Variants in AIG1 observed in about 807,000 individuals in gnomAD.
AIG1 encodes androgen induced 1, also known as androgen-induced gene 1 protein.
AIG1 carries 23 observed loss-of-function variants against 31.4 expected under a neutral mutation model. That is an observed-to-expected ratio of 0.73 (90% CI 0.53 to 1.04). AIG1 has a LOEUF of 1.04. Among genes scored for constraint, AIG1 ranks in the 50% least tolerant of loss-of-function variants. AIG1 has a pLI of 0.00. For missense variants in AIG1, 274 were observed against 295.0 expected (o/e 0.93, Z 0.52); for synonymous variants, 100 against 110.5 (o/e 0.90, Z 0.60).
intron 2 of AIG1, among the ~76,000 whole-genome samples, chr6:143,150,031 C>T (rs1785065419): frequency 6.6e-6 from 1 of 152,210 alleles, no homozygotes; most frequent in South Asian, 2.1e-4. Flanking sequence ...ATCCTAAAAA[C>T]TGAATGACAC....
chr6:143,179,227 C>G (rs531632240), intron 3 of AIG1, among the ~76,000 whole-genome samples: 11 of 152,210 alleles, frequency 7.2e-5, no homozygotes, highest in Non-Finnish European at 1.0e-4. Context: ...TTGTAACCTG[C>G]TGGTGGGGGA....
intron 2 of AIG1, among the ~76,000 whole-genome samples, chr6:143,143,884 A>G (rs537348291): frequency 2.0e-5 from 3 of 152,316 alleles, no homozygotes; most frequent in South Asian, 4.1e-4. Flanking sequence ...TCCCAATACC[A>G]GGAGAAAGAC....
chr6:143,085,642 G>A (rs764596208), intron 1 of AIG1, among the ~76,000 whole-genome samples: 1 of 152,186 alleles, frequency 6.6e-6, no homozygotes, highest in African/African-American at 2.4e-5. Flanking sequence ...TTTTGAGTCA[G>A]GATTGAGATA....
chr6:143,168,938 C>G (rs548908712), intron 3 of AIG1, among the ~76,000 whole-genome samples: 1 of 151,970 alleles, frequency 6.6e-6, no homozygotes, highest in African/African-American at 2.4e-5. Context: ...TTTTGTGAAA[C>G]TTTCCATTAT....
At chr6:143,215,457 A>G (rs1791957746) in intron 3 of AIG1, among the ~76,000 whole-genome samples, 1 of 152,190 alleles carries the variant, frequency 6.6e-6, no homozygotes, top group African/African-American at 2.4e-5. Flanking sequence ...TTTCCAGTGC[A>G]CCTTGCAGAT....
chr6:143,061,327 G>A (rs1254206189), intron 1 of AIG1: 9 of 602,974 alleles, frequency 1.5e-5, no homozygotes, highest in Non-Finnish European at 2.8e-5. Context: ...GAGGTGGGGC[G>A]CAGCCAGGTG....
At chr6:143,163,136 G>T (rs1483164413) in intron 2 of AIG1, among the ~76,000 whole-genome samples, 2 of 152,200 alleles carry the variant, frequency 1.3e-5, no homozygotes, top group Non-Finnish European at 2.9e-5. Context: ...TAGCAAGGCT[G>T]GAATCATGGG....
At chr6:143,119,183 C>T (rs995466981) in intron 1 of AIG1, among the ~76,000 whole-genome samples, 2 of 152,146 alleles carry the variant, frequency 1.3e-5, no homozygotes, top group Non-Finnish European at 2.9e-5. Flanking sequence ...CACCTGCTGA[C>T]AAATTTCTCA....
At chr6:143,287,738 A>T (rs1047819572) in intron 4 of AIG1, among the ~76,000 whole-genome samples, 2 of 14,198 alleles carry the variant, frequency 1.4e-4, no homozygotes, top group African/African-American at 1.9e-3. Flanking sequence ...TGACTACAGT[A>T]AAAAAAAAAA....
chr6:143,224,230 A>G (rs1465307726), intron 3 of AIG1, among the ~76,000 whole-genome samples: 1 of 152,198 alleles, frequency 6.6e-6, no homozygotes, highest in Non-Finnish European at 1.5e-5. Flanking sequence ...CAGCGCCTTA[A>G]GACCACACAT....
chr6:143,254,773 G>T (rs749502493), intron 3 of AIG1, among the ~76,000 whole-genome samples: 11 of 152,168 alleles, frequency 7.2e-5, no homozygotes, highest in Admixed American at 1.3e-4. Flanking sequence ...TAGCAAGCGT[G>T]GTGGCCAAGA....
At chr6:143,231,371 A>G (rs1328255339) in intron 3 of AIG1, among the ~76,000 whole-genome samples, 1 of 152,216 alleles carries the variant, frequency 6.6e-6, no homozygotes, top group Non-Finnish European at 1.5e-5. Flanking sequence ...ATTACAAATA[A>G]GGTATTATGC....
chr6:143,216,847 C>T (rs937378474), intron 3 of AIG1, among the ~76,000 whole-genome samples: 14 of 152,176 alleles, frequency 9.2e-5, no homozygotes, highest in African/African-American at 3.1e-4. Context: ...AAACAGGTTG[C>T]CTCTCTTGAT....
chr6:143,308,664 T>C (rs1310541145), intron 4 of AIG1, among the ~76,000 whole-genome samples: 1 of 152,244 alleles, frequency 6.6e-6, no homozygotes, highest in East Asian at 1.9e-4. Context: ...GACTTAACAT[T>C]GTTCTGGTAT....
At chr6:143,107,287 A>C (rs1162699782) in intron 1 of AIG1, among the ~76,000 whole-genome samples, 3 of 152,208 alleles carry the variant, frequency 2.0e-5, no homozygotes, top group African/African-American at 7.2e-5. Flanking sequence ...TTTCACACAA[A>C]TGAAGGATAT....
At chr6:143,319,744 A>C (rs1417250892) in intron 4 of AIG1, among the ~76,000 whole-genome samples, 3 of 152,180 alleles carry the variant, frequency 2.0e-5, no homozygotes, top group African/African-American at 7.2e-5. Context: ...GAGAAGACTC[A>C]AATAAATAAA....
intron 1 of AIG1, among the ~76,000 whole-genome samples, chr6:143,091,137 A>G (rs901124260): frequency 3.3e-5 from 5 of 152,090 alleles, no homozygotes; most frequent in Non-Finnish European, 7.4e-5. Context: ...CAGCAATTCA[A>G]TCATATCTTC....
Position 143,190,651 on chromosome 6 carries a change from AAAGCCCCAGGT to A in AIG1, c.399+25472_399+25482del, listed in dbSNP as rs1362176013. 3.1e-6 allele frequency: 3 copies of A among 977,610 alleles called. No individual in the cohort carries two copies. In the African/African-American group the frequency reaches 5.3e-5, roughly 17 times the overall value. The allele number at this position is 977,610 out of a possible 1,614,324, so 60.6% of individuals were successfully genotyped here. On this transcript the variant is annotated intron_variant, in intron 3 of 5. Transcript: ENST00000357847. Reference sequence around the variant, plus strand: ...CCAGTTGAACAGGGGCCTTCTTTCCAAAGCCCCAGGTAAGGACTTTCTCAACCTGTATTCTA... The same window carrying A: ...CCAGTTGAACAGGGGCCTTCTTTCCAAAGGACTTTCTCAACCTGTATTCTA...
rs1286308431 is a variant in AIG1 at position 143,328,171 on chromosome 6, A to G, written c.516-5111A>G. Among the ~76,000 whole-genome samples the G allele has an allele frequency of 6.6e-6, 1 of 152,210 alleles. No individual in the cohort carries two copies. The highest frequency in any genetic ancestry group is 2.4e-5 in the African/African-American group (1 of 41,454). ...GAAAACCAAGAGAAATTGATGTCAA[A>G]GAAACCAGTATCTTTTGGTCGAATA... On this transcript the variant is annotated intron_variant, in intron 4 of 5. Transcript: ENST00000357847. The surrounding 1 kb of genome is among the most constrained non-coding windows in gnomAD (Gnocchi z 4.0).
Sources: gnomAD v4.1 joint callset for allele counts (sites outside exome capture counted in the v4.1 genomes callset) on GRCh38, gnomAD v4.1.1 for gene constraint, Gnocchi (gnomAD v3.1) non-coding constraint, MANE v1.5 for transcripts, NCBI Gene and HGNC (gene_info 2026-07-23, HGNC 2026-07-21) for gene names.